The following PNPLA2 variants were observed in gnomAD, a reference collection of about 807,000 sequenced individuals.
PNPLA2 encodes the protein patatin-like phospholipase domain-containing protein 2.
In PNPLA2, 28 loss-of-function variants were observed where a neutral mutation model predicts 39.7. That is an observed-to-expected ratio of 0.70 (90% CI 0.52 to 0.97). PNPLA2 has a LOEUF of 0.97. Among genes scored for constraint, PNPLA2 ranks in the 50% least tolerant of loss-of-function variants. PNPLA2 has a pLI of 0.00. For missense variants in PNPLA2, 768 were observed against 698.2 expected (o/e 1.10, Z -1.13); for synonymous variants, 392 against 321.1 (o/e 1.22, Z -2.36).
chr11:823,931 G>A lies in PNPLA2; in HGVS notation c.920-67G>A, dbSNP rs766594585. The A allele has an allele frequency of 5.2e-6, 8 of 1,546,392 alleles. No individual in the cohort carries two copies. The Admixed American group carries it at 1.5e-4, about 30-fold the overall frequency. ...AGAGAGGAGAGGACGGTGAGCAGGG[G>A]AGGGAAGCCGAGCGGGTCCTGGGCC... On this transcript the variant is annotated intron_variant, in intron 7 of 9. Transcript: ENST00000336615.
intron 1 of PNPLA2, chr11:819,306 G>A: frequency 1.9e-6 from 1 of 535,382 alleles, no homozygotes. Flanking sequence ...TGAGGCTTCC[G>A]GCCCCCAGGC....
intron 4 of PNPLA2, 152 bp downstream of exon 4, chr11:822,175 C>A: frequency 1.3e-6 from 1 of 787,596 alleles, no homozygotes; most frequent in Non-Finnish European, 2.1e-6. Context: ...GCTGTGGCAA[C>A]GCACGCTTCC....
rs760322669 is a variant in PNPLA2 at position 823,749 on chromosome 11, C to T, written c.813C>T (p.Gly271=). 2 of 1,606,808 alleles carry T rather than the reference C, an allele frequency of 1.2e-6. No homozygotes were observed. ...LLALPPARPH[G]PEDKDQAVES... ...CGTTGCCCCCCGCCCGCCCCCACGG[C>T]CCAGAGGACAAGGACCAGGCAGTGG... Residue 271 remains glycine, a synonymous_variant, in exon 7 of 10, where the codon GGC becomes GGT. Transcript: ENST00000336615.
At position 819,864 on chromosome 11, in the gene PNPLA2, G is replaced by GGGCGCTCACGGCCAC. The variant is rs1845609277; in HGVS notation, c.153_167dup (p.Thr52_Leu56dup). The GGGCGCTCACGGCCAC allele has an allele frequency of 6.8e-7, 1 of 1,460,282 alleles. No individual in the cohort carries two copies. The highest frequency in any genetic ancestry group is 1.3e-5 in the South Asian group (1 of 76,716). The allele number at this position is 1,460,282 out of a possible 1,614,324, so 90.5% of individuals were successfully genotyped here. ...ACGCACATCTACGGCGCCTCGGCCGGGGCGCTCACGGCCACGGCGCTGGTC... is the reference window on the plus strand; with the variant it reads ...ACGCACATCTACGGCGCCTCGGCCGGGGCGCTCACGGCCACGGCGCTCACGGCCACGGCGCTGGTC... On this transcript the variant is annotated inframe_insertion, in exon 2 of 10. Coordinates refer to ENST00000336615, the MANE Select transcript of PNPLA2 (RefSeq NM_020376.4).
rs137866968 is a variant in PNPLA2 at position 824,042 on chromosome 11, C to T, written c.964C>T (p.Leu322Phe). 1.2e-3 allele frequency: 1,917 copies of T among 1,610,926 alleles called. 2 individuals carry two copies. The highest frequency in any genetic ancestry group is 1.6e-3 in the South Asian group (146 of 90,792). ...CVEPTDLLTT[L>F]SNMLPVRLAT... is the part of the protein sequence containing the mutation. ...GGAGCCCACGGACCTGCTGACCACC[C>T]TCTCCAACATGCTGCCTGTGCGTCT... Residue 322 changes from leucine (L) to phenylalanine (F), a missense_variant, in exon 8 of 10, where the codon CTC (leucine) becomes TTC (phenylalanine). By Grantham distance (22) the Leu-to-Phe change is conservative. Transcript: ENST00000336615.
Position 824,515 on chromosome 11 carries a change from C to A in PNPLA2, c.1176-8C>A, listed in dbSNP as rs1369857390. 6.5e-7 allele frequency: 1 copy of A among 1,546,658 alleles called. No individual in the cohort carries two copies. The highest frequency in any genetic ancestry group is 2.4e-5 in the East Asian group (1 of 41,278). On this transcript the variant is annotated splice_region_variant and splice_polypyrimidine_tract_variant and intron_variant, in intron 9 of 9. Transcript: ENST00000336615. Reference sequence around the variant, plus strand: ...TGAAGCCCTCCCTGCCGCATCCCTGCCCCGCAGGCTGCCGGAGCAGGTGGA... The same window carrying A: ...TGAAGCCCTCCCTGCCGCATCCCTGACCCGCAGGCTGCCGGAGCAGGTGGA...
intron 1 of PNPLA2, chr11:819,237 G>T (rs1303410964): frequency 5.7e-6 from 1 of 174,760 alleles, no homozygotes; most frequent in Non-Finnish European, 1.1e-5. Context: ...GGACCCGGTG[G>T]GGAGGGGCGG....
In PNPLA2 at chr11:824,432, T is replaced by A; in HGVS notation, c.1171T>A (p.Ser391Thr). The A allele has an allele frequency of 1.3e-6, 2 of 1,554,602 alleles. No homozygotes were observed. Among genetic ancestry groups the A allele is most frequent in the Non-Finnish European group, 1.7e-6 (2 of 1,149,632 alleles). ...GAGGAAGCTGGGCAGGCACCTGCCC[T>A]CCAGGTGAGCCGCCGACCGCGCGTC... ...AKRKLGRHLP[S>T]RLPEQVELRR... The change falls in exon 9 of 10, where the codon TCC (serine) becomes ACC (threonine). Residue 391 changes from serine (S) to threonine (T), a missense_variant. Coordinates refer to ENST00000336615, the MANE Select transcript of PNPLA2 (RefSeq NM_020376.4).
At chr11:819,359 C>T (rs1195413868) in intron 1 of PNPLA2, 8 of 965,378 alleles carry the variant, frequency 8.3e-6, no homozygotes, top group Non-Finnish European at 9.9e-6. Flanking sequence ...AGGCGTGTGC[C>T]CCCAGCCGTG....
At chr11:824,201 C>T in intron 8 of PNPLA2, 71 bp downstream of exon 8, 1 of 1,551,906 alleles carries the variant, frequency 6.4e-7, no homozygotes. Context: ...GTGATGGTTA[C>T]CAGGGAAGGT....
At position 824,682 on chromosome 11, in the gene PNPLA2, C is replaced by G. The variant is rs770810671; in HGVS notation, c.1335C>G (p.Leu445=). 3.8e-6 allele frequency: 6 copies of G among 1,596,270 alleles called. No homozygotes were observed. Among genetic ancestry groups the G allele is most frequent in the East Asian group, 2.2e-5 (1 of 44,622 alleles). Residue 445 remains leucine (L), a synonymous_variant, in exon 10 of 10, where the codon CTC becomes CTG. Coordinates refer to ENST00000336615, the MANE Select transcript of PNPLA2 (RefSeq NM_020376.4). ...KWEECQRQLL[L]GLFCTNVAFP... is the part of the protein sequence containing the mutation. ...AGGAGTGCCAGCGCCAGCTGCTGCT[C>G]GGCCTCTTCTGCACCAACGTGGCCT...
Position 821,663 on chromosome 11 carries a change from G to A in PNPLA2, c.223G>A (p.Glu75Lys), listed in dbSNP as rs1845667952. Residue 75 changes from glutamate to lysine, a missense_variant, in exon 3 of 10, where the codon GAG becomes AAG. Transcript: ENST00000336615. The stretch of plus-strand genomic sequence containing the variant: ...TGCCAAGTTCATTGAGGTATCTAAA[G>A]AGGCCCGGAAGCGGTTCCTGGGCCC... Reference protein sequence around the residue: ...AGAKFIEVSKEARKRFLGPLH... With the variant: ...AGAKFIEVSKKARKRFLGPLH... 4 of 1,613,866 alleles carry A rather than the reference G, an allele frequency of 2.5e-6. No individual in the cohort carries two copies. Among genetic ancestry groups the A allele is most frequent in the East Asian group, 2.2e-5 (1 of 44,892 alleles).
intron 9 of PNPLA2, 24 bp downstream of exon 9, chr11:824,460 C>A (rs935828618): frequency 3.9e-6 from 6 of 1,548,934 alleles, no homozygotes; most frequent in Non-Finnish European, 5.2e-6. Flanking sequence ...CGCGCGTCCA[C>A]CCGGGGCCCG....
chr11:822,480 G>C lies in PNPLA2; in HGVS notation c.570G>C (p.Glu190Asp). Residue 190 changes from glutamate to aspartate, a missense_variant, in exon 5 of 10, where the codon GAG becomes GAC. Coordinates refer to ENST00000336615, the MANE Select transcript of PNPLA2 (RefSeq NM_020376.4). ...TCACAGTGTCCCCCTTCTCGGGCGA[G>C]AGTGACATCTGTCCGCAGGACAGCT... ...NTITVSPFSG[E>D]SDICPQDSST... The C allele has an allele frequency of 6.2e-7, 1 of 1,614,134 alleles. No individual in the cohort carries two copies. The highest frequency in any genetic ancestry group is 1.1e-5 in the South Asian group (1 of 91,086).
In PNPLA2 at chr11:824,095, G is replaced by A. The variant is rs1217593724; in HGVS notation, c.1017G>A (p.Thr339=). The A allele has an allele frequency of 1.2e-6, 2 of 1,603,764 alleles. No homozygotes were observed. The highest frequency in any genetic ancestry group is 2.2e-5 in the East Asian group (1 of 44,446). ...RLATAMMVPY[T]LPLESALSFT... The stretch of plus-strand genomic sequence containing the variant: ...CCACGGCCATGATGGTGCCCTACAC[G>A]CTGCCGCTGGAGAGCGCTCTGTCCT... The change falls in exon 8 of 10, where the codon ACG becomes ACA. Residue 339 remains threonine (T), a synonymous_variant. Transcript: ENST00000336615.
chr11:821,894 G>C (rs147573735), intron 3 of PNPLA2, 34 bp downstream of exon 3: 11 of 1,601,868 alleles, frequency 6.9e-6, no homozygotes, highest in Admixed American at 5.0e-5. Context: ...GGGTGGCGGT[G>C]GGGGGGGCAG....
chr11:822,217 T>C, intron 4 of PNPLA2, 180 bp from the exon 5 acceptor site: 1 of 763,882 alleles, frequency 1.3e-6, no homozygotes, highest in Non-Finnish European at 2.3e-6. Flanking sequence ...GTCCCTGCCC[T>C]CCCCCGTCTA....
chr11:821,600 G>A, intron 2 of PNPLA2, 28 bp from the exon 3 acceptor site: 1 of 1,529,490 alleles, frequency 6.5e-7, no homozygotes, highest in Non-Finnish European at 9.1e-7. Flanking sequence ...CAGGAGCATG[G>A]GCCCCTAACC....
intron 5 of PNPLA2, among the ~76,000 whole-genome samples, chr11:823,039 C>G (rs1565087896): frequency 6.6e-6 from 1 of 151,090 alleles, no homozygotes; most frequent in African/African-American, 2.4e-5. Flanking sequence ...GTTGGCCAGG[C>G]TGGCCTCAAA....
Sources: gnomAD v4.1 joint callset for allele counts (sites outside exome capture counted in the v4.1 genomes callset) on GRCh38, gnomAD v4.1.1 for gene constraint, MANE v1.5 for transcripts, NCBI Gene and HGNC (gene_info 2026-07-23, HGNC 2026-07-21) for gene names.